Variants in AGAP1 observed in about 807,000 individuals in gnomAD.
AGAP1 encodes arf-GAP with GTPase, ANK repeat and PH domain-containing protein 1.
A neutral mutation model predicts 105.3 loss-of-function variants in AGAP1; 29 were observed. The observed-to-expected ratio is 0.28, with a 90% CI of 0.21 to 0.38. The LOEUF is 0.38. AGAP1 is among the 10% of genes least tolerant of loss of function. The pLI is 1.00. For synonymous variants in AGAP1, 509 were observed against 485.9 expected (o/e 1.05, Z -0.63); for missense variants, 998 against 1,165.1 (o/e 0.86, Z 2.09).
rs2051304231 is a variant in AGAP1 at position 235,906,326 on chromosome 2, C to G, written c.1156-2412C>G. 6.6e-6 allele frequency among the ~76,000 whole-genome samples: 1 copy of G among 152,214 alleles called. No individual in the cohort carries two copies. The highest frequency in any genetic ancestry group is 1.5e-5 in the Non-Finnish European group (1 of 68,044). ...AATTTGCCCCACTGTAGCACAGTTT[C>G]TGATCCTTTCTCCAGTGGTCTTCAG... On this transcript the variant is annotated intron_variant, in intron 10 of 17. Transcript: ENST00000304032. This position sits in a 1 kb window ranked among gnomAD's most constrained non-coding sequence, Gnocchi z 5.3.
chr2:235,811,014 A>G (rs552487574), intron 9 of AGAP1, among the ~76,000 whole-genome samples: 3 of 152,192 alleles, frequency 2.0e-5, no homozygotes, highest in Admixed American at 2.0e-4. Context: ...GGGAGCTCCT[A>G]TGGTGCCATT....
At chr2:235,990,588 A>G (rs1009774549) in intron 13 of AGAP1, among the ~76,000 whole-genome samples, 11 of 152,164 alleles carry the variant, frequency 7.2e-5, no homozygotes, top group African/African-American at 2.7e-4. Context: ...CTGGGTTCCA[A>G]GGGCAGGCAT....
intron 1 of AGAP1, among the ~76,000 whole-genome samples, chr2:235,544,967 C>T (rs1047640787): frequency 4.6e-5 from 7 of 152,238 alleles, no homozygotes; most frequent in East Asian, 3.9e-4. Context: ...AGTATTCTAA[C>T]GGGGTAAGGC....
chr2:235,586,340 C>T lies in AGAP1; in HGVS notation c.163+91491C>T, dbSNP rs1263977269. On this transcript the variant is annotated intron_variant, in intron 1 of 17. Coordinates refer to ENST00000304032, the MANE Select transcript of AGAP1 (RefSeq NM_001037131.3). This position sits in a 1 kb window ranked among gnomAD's most constrained non-coding sequence, Gnocchi z 4.2. ...ACTCCACGAAGGATGCAGGTGGGCA[C>T]ACTGCTACAACCCCCTGGGTGTGTG... Among the ~76,000 whole-genome samples, 1 of 152,200 alleles carries T rather than the reference C, an allele frequency of 6.6e-6. No homozygotes were observed. Among genetic ancestry groups the T allele is most frequent in the Non-Finnish European group, 1.5e-5 (1 of 68,044 alleles).
intron 6 of AGAP1, among the ~76,000 whole-genome samples, chr2:235,772,713 T>C (rs1955554499): frequency 6.6e-6 from 1 of 151,954 alleles, no homozygotes; most frequent in African/African-American, 2.4e-5. Flanking sequence ...AGGCAGAGAG[T>C]TCATTGTCAC....
At chr2:236,048,978 C>T (rs547840471) in intron 15 of AGAP1, 81 bp from the exon 16 acceptor site, 57 of 1,331,142 alleles carry the variant, frequency 4.3e-5, no homozygotes, top group Middle Eastern at 1.9e-4. Context: ...TTGACTGATT[C>T]GTCGCCTTGT....
In AGAP1 at chr2:235,799,921, TG is replaced by T. The variant is rs780794488; in HGVS notation, c.957+403del. On this transcript the variant is annotated intron_variant, in intron 8 of 17. Transcript: ENST00000304032. This position sits in a 1 kb window ranked among gnomAD's most constrained non-coding sequence, Gnocchi z 5.0. ...TCCACAGGCCCTCTTCTTCTTCTGC[TG>T]GGGTGCCTGGCGCTGCCCTCGGGGT... 7.2e-5 allele frequency among the ~76,000 whole-genome samples: 11 copies of T among 151,984 alleles called. No homozygotes were observed. The highest frequency in any genetic ancestry group is 1.2e-4 in the Non-Finnish European group (8 of 67,992).
chr2:235,804,721 G>A (rs1017022037), intron 8 of AGAP1, among the ~76,000 whole-genome samples: 6 of 152,198 alleles, frequency 3.9e-5, no homozygotes, highest in South Asian at 4.1e-4. Context: ...CCTCTGCATC[G>A]AGTGTTTGTT....
At position 235,535,704 on chromosome 2, in the gene AGAP1, A is replaced by G. The variant is rs970601566; in HGVS notation, c.163+40855A>G. 6.6e-6 allele frequency among the ~76,000 whole-genome samples: 1 copy of G among 152,062 alleles called. No homozygotes were observed. On this transcript the variant is annotated intron_variant, in intron 1 of 17. Transcript: ENST00000304032. This position sits in a 1 kb window ranked among gnomAD's most constrained non-coding sequence, Gnocchi z 5.1. ...TTCAAGCCACTCACTTTCATTTTCT[A>G]TAGAAAAGCCTTTCTGCCGCCTTTC...
rs538342745 is a variant in AGAP1, at chr2:236,109,665, C to T, written c.2115-10527C>T. Among the ~76,000 whole-genome samples the T allele has an allele frequency of 5.6e-4, 86 of 152,232 alleles. 2 individuals are homozygous for T. In the South Asian group the frequency reaches 0.017, roughly 31 times the overall value. On this transcript the variant is annotated intron_variant, in intron 16 of 17. Coordinates refer to ENST00000304032, the MANE Select transcript of AGAP1 (RefSeq NM_001037131.3). The surrounding 1 kb of genome is among the most constrained non-coding windows in gnomAD (Gnocchi z 5.4). ...GTGGGAACGTCCTAGTCGGCGGCAG[C>T]GTCGGTGCTCTGGACCGGCAGCCGT...
At position 235,569,983 on chromosome 2, in the gene AGAP1, A is replaced by C. The variant is rs576530300; in HGVS notation, c.163+75134A>C. Among the ~76,000 whole-genome samples the C allele has an allele frequency of 2.2e-4, 33 of 152,300 alleles. No individual in the cohort carries two copies. The highest frequency in any genetic ancestry group is 7.9e-4 in the African/African-American group (33 of 41,564). The stretch of plus-strand genomic sequence containing the variant: ...CATGGTGTGACTGGCCCGGGATCCA[A>C]ATTATTTGCAGCGCCTGTCGTCTTT... On this transcript the variant is annotated intron_variant, in intron 1 of 17. Transcript: ENST00000304032. This position sits in a 1 kb window ranked among gnomAD's most constrained non-coding sequence, Gnocchi z 5.9.
At chr2:235,521,716 G>A (rs1474274096) in intron 1 of AGAP1, among the ~76,000 whole-genome samples, 1 of 142,518 alleles carries the variant, frequency 7.0e-6, no homozygotes, top group Non-Finnish European at 1.5e-5. Flanking sequence ...GATCGATCCA[G>A]TTTCTTGTTT....
chr2:236,004,432 T>C (rs1242736523), intron 13 of AGAP1, among the ~76,000 whole-genome samples: 3 of 152,212 alleles, frequency 2.0e-5, no homozygotes, highest in Non-Finnish European at 4.4e-5. Flanking sequence ...AAGCTAATCC[T>C]GAAAATTAGC....
At chr2:235,512,905 T>G (rs1942210533) in intron 1 of AGAP1, among the ~76,000 whole-genome samples, 1 of 152,232 alleles carries the variant, frequency 6.6e-6, no homozygotes, top group South Asian at 2.1e-4. Flanking sequence ...AAATACACTG[T>G]GCCATTAATG....
intron 11 of AGAP1, among the ~76,000 whole-genome samples, chr2:235,912,286 A>T (rs1018848801): frequency 3.3e-5 from 5 of 152,236 alleles, no homozygotes; most frequent in Admixed American, 6.5e-5. Context: ...TAAAATCATC[A>T]TTCACAAAAT....
intron 5 of AGAP1, among the ~76,000 whole-genome samples, chr2:235,749,408 TA>T (rs1953241132): frequency 6.6e-6 from 1 of 151,860 alleles, no homozygotes; most frequent in African/African-American, 2.4e-5. Flanking sequence ...GTTTCTTTTT[TA>T]GGAAACTGGT....
chr2:235,666,739 TC>T (rs1194859014), intron 1 of AGAP1, among the ~76,000 whole-genome samples: 2 of 151,514 alleles, frequency 1.3e-5, no homozygotes, highest in Non-Finnish European at 2.9e-5. Flanking sequence ...ACACAAACAG[TC>T]CAGTGTTTTA....
intron 1 of AGAP1, among the ~76,000 whole-genome samples, chr2:235,533,795 C>A (rs1943120752): frequency 6.6e-6 from 1 of 152,254 alleles, no homozygotes; most frequent in South Asian, 2.1e-4. Context: ...CTCCCAGGAG[C>A]TGGACCCCTC....
At chr2:235,991,489 C>T (rs370116329) in intron 13 of AGAP1, among the ~76,000 whole-genome samples, 3 of 152,166 alleles carry the variant, frequency 2.0e-5, no homozygotes, top group South Asian at 2.1e-4. Context: ...GTGGGAAGGT[C>T]GCTTGAGCCC....
Sources: gnomAD v4.1 joint callset for allele counts (sites outside exome capture counted in the v4.1 genomes callset) on GRCh38, gnomAD v4.1.1 for gene constraint, Gnocchi (gnomAD v3.1) non-coding constraint, MANE v1.5 for transcripts, NCBI Gene and HGNC (gene_info 2026-07-23, HGNC 2026-07-21) for gene names.